BMS1: variants seen among roughly 807,000 people sequenced by gnomAD.
BMS1 encodes the protein ribosome biogenesis protein BMS1 homolog.
In BMS1, 53 loss-of-function variants were observed where a neutral mutation model predicts 138.7. That is an observed-to-expected ratio of 0.38 (90% confidence interval 0.31 to 0.48). The LOEUF (loss-of-function observed/expected upper bound fraction) is 0.48. Among genes scored for constraint, BMS1 ranks in the 20% least tolerant of loss-of-function variants. The pLI is 0.97. For missense variants in BMS1, 1,360 were observed against 1,565.5 expected (o/e 0.87, Z 2.22); for synonymous variants, 504 against 539.9 (o/e 0.93, Z 0.92).
At chr10:42,818,306 A>C (rs908438965) in intron 15 of BMS1, among the ~76,000 whole-genome samples, 7 of 152,182 alleles carry the variant, frequency 4.6e-5, no homozygotes, top group Non-Finnish European at 8.8e-5. Flanking sequence ...GCTTCACACC[A>C]TTTACAATTT....
chr10:42,797,243 TGTAGTTG>T lies in BMS1; in HGVS notation c.1987+15_1987+21del. ...CAAAGAAACGTCAGGTAAGCTTAAA[TGTAGTTG>T]GTTGCTGCTATGAACTTGGCTCTCG... On this transcript the variant is annotated intron_variant, in intron 10 of 22. Coordinates refer to ENST00000374518, the MANE Select transcript of BMS1 (RefSeq NM_014753.4). 1.9e-6 allele frequency: 3 copies of T among 1,596,320 alleles called. No homozygotes were observed. The South Asian group carries it at 3.4e-5, about 18-fold the overall frequency.
rs201022846 is a variant in BMS1 at position 42,830,391 on chromosome 10, C to T, written c.3587C>T (p.Pro1196Leu). ...AAGGTGCCAAAGGACAGGCGGAGAC[C>T]GGCCGTCATACGCGAGCCTCATGAA... ...AGKVPKDRRR[P>L]AVIREPHERK... is the part of the protein sequence containing the mutation. The change falls in exon 22 of 23, where the codon CCG (proline) becomes CTG (leucine). Residue 1196 changes from proline (P) to leucine (L), a missense_variant. By Grantham distance (98) the Pro-to-Leu change is moderately conservative. Around this residue, in one of 3 missense-constraint regions of BMS1, gnomAD observed 425 missense variants for 568.3 expected, o/e 0.75. Coordinates refer to ENST00000374518, the MANE Select transcript of BMS1 (RefSeq NM_014753.4). 36 of 1,612,036 alleles carry T rather than the reference C, an allele frequency of 2.2e-5. No individual in the cohort carries two copies. Among genetic ancestry groups the T allele is most frequent in the Non-Finnish European group, 2.2e-5 (26 of 1,179,626 alleles).
In BMS1 at chr10:42,806,842, A is replaced by G. The variant is rs193281818; in HGVS notation, c.2329+4624A>G. On this transcript the variant is annotated intron_variant, in intron 13 of 22. Transcript: ENST00000374518. ...TTAAGTTTGAGGTAATTGTAGATTG[A>G]CATGCACGTGTAAGAACAAATACAG... Among the ~76,000 whole-genome samples, 18 of 151,746 alleles carry G rather than the reference A, an allele frequency of 1.2e-4. No individual in the cohort carries two copies. In the East Asian group the frequency reaches 3.5e-3, roughly 29 times the overall value.
At chr10:42,810,567 T>C (rs1467504914) in intron 13 of BMS1, among the ~76,000 whole-genome samples, 1 of 152,244 alleles carries the variant, frequency 6.6e-6, no homozygotes, top group Non-Finnish European at 1.5e-5. Context: ...AGAGTTTGTA[T>C]AGAATTGGGA....
rs186202130 is a variant in BMS1, at chr10:42,802,276, A to G, written c.2329+58A>G. ...GGCTTCTCTAAACTTTATTTTCTTC[A>G]GTATCTTAGACAATAGTCAAATTGA... On this transcript the variant is annotated intron_variant, in intron 13 of 22. Transcript: ENST00000374518. 5.4e-6 allele frequency: 8 copies of G among 1,476,992 alleles called. No individual in the cohort carries two copies. The East Asian group carries it at 1.6e-4, about 30-fold the overall frequency. 91.5% of individuals were successfully genotyped at this position (1,476,992 alleles called of 1,614,324 possible). A position where few individuals can be genotyped will look rare whatever the true frequency, so the allele number is the denominator to read the frequency against.
chr10:42,812,267 T>C (rs1842205808), intron 13 of BMS1, among the ~76,000 whole-genome samples: 1 of 152,212 alleles, frequency 6.6e-6, no homozygotes. Flanking sequence ...TGGCTTAACC[T>C]CCTGAATAGC....
intron 15 of BMS1, among the ~76,000 whole-genome samples, chr10:42,818,699 A>G (rs1158140834): frequency 6.6e-6 from 1 of 152,132 alleles, no homozygotes; most frequent in Non-Finnish European, 1.5e-5. Flanking sequence ...TCAGGTCTGG[A>G]GAGAGGTCTG....
intron 21 of BMS1, 131 bp from the exon 22 acceptor site, chr10:42,830,130 C>T: frequency 1.9e-6 from 2 of 1,039,446 alleles, no homozygotes; most frequent in Non-Finnish European, 2.8e-6. Context: ...GTCCTGATTT[C>T]TCAGGGCCGG....
chr10:42,827,096 T>C (rs1459287348), intron 21 of BMS1, among the ~76,000 whole-genome samples: 1 of 152,154 alleles, frequency 6.6e-6, no homozygotes, highest in Non-Finnish European at 1.5e-5. Flanking sequence ...TTCATGGGAC[T>C]GGATTAGTTA....
chr10:42,822,405 T>C (rs1305816391), intron 19 of BMS1, among the ~76,000 whole-genome samples: 1 of 152,204 alleles, frequency 6.6e-6, no homozygotes, highest in African/African-American at 2.4e-5. Flanking sequence ...TATTCATAAC[T>C]TCCATGTGAG....
chr10:42,829,758 G>T (rs998779456), intron 21 of BMS1, among the ~76,000 whole-genome samples: 8 of 151,872 alleles, frequency 5.3e-5, no homozygotes, highest in African/African-American at 1.9e-4. Flanking sequence ...GGAGGTGGAG[G>T]TTGCATGAGC....
chr10:42,797,641 T>G (rs920538564), intron 11 of BMS1, 118 bp downstream of exon 11: 2 of 947,416 alleles, frequency 2.1e-6, no homozygotes, highest in Admixed American at 4.4e-5. Context: ...TCCATCACAT[T>G]TCATATTTGA....
chr10:42,812,532 T>A (rs1185600336), intron 13 of BMS1, among the ~76,000 whole-genome samples: 3 of 152,212 alleles, frequency 2.0e-5, no homozygotes, highest in African/African-American at 7.2e-5. Context: ...GATGTTACGG[T>A]CACTTCCTTT....
chr10:42,798,677 G>C lies in BMS1; in HGVS notation c.2247+52G>C, dbSNP rs561772117. On this transcript the variant is annotated intron_variant, in intron 12 of 22. Transcript: ENST00000374518. Reference sequence around the variant, plus strand: ...ATTAGAGAATTAGCGAATTGTTCTAGAATAAGATTATCTGATGTCAATATT... The same window carrying C: ...ATTAGAGAATTAGCGAATTGTTCTACAATAAGATTATCTGATGTCAATATT... 5 of 1,595,820 alleles carry C rather than the reference G, an allele frequency of 3.1e-6. No individual in the cohort carries two copies. The South Asian group carries it at 5.6e-5, about 18-fold the overall frequency.
At chr10:42,811,470 T>A (rs370687149) in intron 13 of BMS1, among the ~76,000 whole-genome samples, 478 of 151,952 alleles carry the variant, frequency 3.1e-3, no homozygotes, top group African/African-American at 0.011. Flanking sequence ...TTAAATTTCC[T>A]TCTCAGTACT....
chr10:42,799,742 A>G (rs1380927085), intron 12 of BMS1, among the ~76,000 whole-genome samples: 2 of 152,224 alleles, frequency 1.3e-5, no homozygotes, highest in African/African-American at 4.8e-5. Flanking sequence ...TCCTCCCTGT[A>G]GAAGGAGGTG....
At position 42,796,518 on chromosome 10, in the gene BMS1, G is replaced by A. The variant is rs540234240; in HGVS notation, c.1274G>A (p.Gly425Asp). 5 of 1,614,150 alleles carry A rather than the reference G, an allele frequency of 3.1e-6. No homozygotes were observed. The highest frequency in any genetic ancestry group is 4.2e-6 in the Non-Finnish European group (5 of 1,180,018). Residue 425 changes from glycine to aspartate, a missense_variant, in exon 10 of 23, where the codon GGT (glycine) becomes GAT (aspartate). This residue lies in a region of BMS1 where 697 missense variants were observed against 686.2 expected (regional missense o/e 1.02). Coordinates refer to ENST00000374518, the MANE Select transcript of BMS1 (RefSeq NM_014753.4). ...GAAAAACAAATGGACTTGAACACTG[G>A]TCGAATGCGTCGGAAAGCCATTTTC... ...KEEKQMDLNT[G>D]RMRRKAIFGD... is the part of the protein sequence containing the mutation.
At chr10:42,784,682 G>A in intron 2 of BMS1, 112 bp downstream of exon 2, 5 of 1,248,904 alleles carry the variant, frequency 4.0e-6, no homozygotes, top group Non-Finnish European at 5.4e-6. Context: ...CAAAGGACAT[G>A]GAGATTCATG....
chr10:42,793,724 CT>C, intron 8 of BMS1, 127 bp from the exon 9 acceptor site: 1 of 1,126,488 alleles, frequency 8.9e-7, no homozygotes, highest in Non-Finnish European at 1.3e-6. Context: ...TTCTTCTCTG[CT>C]TTTTGAGGCA....
Sources: allele counts gnomAD v4.1 joint callset (sites outside exome capture counted in the v4.1 genomes callset), GRCh38; gene constraint gnomAD v4.1.1; regional missense constraint gnomAD v4.1.1; transcripts MANE v1.5; gene names NCBI Gene and HGNC (gene_info 2026-07-23, HGNC 2026-07-21).